Variants in GAS5 observed in about 807,000 individuals in gnomAD.
The protein encoded by GAS5 is growth arrest specific 5, also known as growth arrest specific 5 (non-protein coding).
At chr1:173,867,212 C>T, upstream of GAS5, 1 of 543,360 alleles carries the variant, frequency 1.8e-6, no homozygotes, top group East Asian at 3.0e-5. Context: ...AAGCACTGCA[C>T]CCGCAGTTAA....
At chr1:173,864,793 C>T (rs748598966) in intron 6 of GAS5, 1 of 518,314 alleles carries the variant, frequency 1.9e-6, no homozygotes, top group Non-Finnish European at 3.9e-6. Flanking sequence ...TGGCTATATT[C>T]CCCTTTTCGG....
chr1:173,868,345 T>G (rs937789974), upstream of GAS5: 3 of 152,140 alleles, frequency 2.0e-5, no homozygotes, highest in African/African-American at 4.9e-5. Flanking sequence ...TGGGAGGGGG[T>G]GGGGGATTTC....
At chr1:173,865,459 T>G (rs1473182614) in intron 6 of GAS5, 3 of 510,094 alleles carry the variant, frequency 5.9e-6, no homozygotes, top group Non-Finnish European at 1.2e-5. Flanking sequence ...TTAACATCAA[T>G]AAAACATGTA....
intron 1 of GAS5, chr1:173,866,925 A>G (rs1232259320): frequency 1.3e-6 from 1 of 765,484 alleles, no homozygotes; most frequent in South Asian, 1.3e-5. Context: ...ACTACTCTTA[A>G]AGCATCACAG....
chr1:173,865,306 C>T (rs1654393582), intron 6 of GAS5: 1 of 457,678 alleles, frequency 2.2e-6, no homozygotes, highest in African/African-American at 2.0e-5. Context: ...ATCTCCTTTA[C>T]CAATAGGTAG....
intron 6 of GAS5, chr1:173,864,750 A>G: frequency 2.0e-6 from 1 of 510,650 alleles, no homozygotes; most frequent in Non-Finnish European, 3.9e-6. Flanking sequence ...GCATACAATT[A>G]GGAGTAATCC....
At position 173,865,147 on chromosome 1, in the gene GAS5, T is replaced by C. The variant is rs551248999; in HGVS notation, n.276+324A>G. 17 of 338,912 alleles carry C rather than the reference T, an allele frequency of 5.0e-5. 1 individual carries two copies. Among genetic ancestry groups the C allele is most frequent in the Middle Eastern group, 1.1e-3 (1 of 932 alleles). 21.0% of individuals were successfully genotyped at this position (338,912 alleles called of 1,614,324 possible). ...CTGGGAGGCAGAGGTTGCAGTGAAC[T>C]GATAGTGCCGCTGCACTCCATTCTG... On this transcript the variant is annotated intron_variant and non_coding_transcript_variant, in intron 6 of 7. Transcript: ENST00000651080.
intron 7 of GAS5, chr1:173,864,061 G>C (rs568074783): frequency 2.3e-6 from 1 of 440,410 alleles, no homozygotes; most frequent in African/African-American, 2.0e-5. Context: ...ACTCTAGCTT[G>C]GGTGAGGCAA....
chr1:173,865,559 A>G (rs1654455836), intron 5 of GAS5: 1 of 517,926 alleles, frequency 1.9e-6, no homozygotes, highest in Non-Finnish European at 3.9e-6. Flanking sequence ...TGGAATACAA[A>G]TGAGGACTTC....
At chr1:173,866,701 GTCA>G (rs767938368) in intron 2 of GAS5, 2 of 765,260 alleles carry the variant, frequency 2.6e-6, no homozygotes, top group African/African-American at 3.4e-5. Context: ...CAAATAAACT[GTCA>G]TCATTGTGGC....
chr1:173,867,536 G>A, upstream of GAS5: 1 of 420,992 alleles, frequency 2.4e-6, no homozygotes. Context: ...AAACACTAAT[G>A]GAAATATTGG....
At chr1:173,865,781 A>C (rs1293536130) in intron 5 of GAS5, 1 of 518,022 alleles carries the variant, frequency 1.9e-6, no homozygotes, top group African/African-American at 1.9e-5. Flanking sequence ...CCAAGCCTTA[A>C]GCCATTAGCT....
intron 6 of GAS5, chr1:173,864,825 G>T: frequency 1.9e-6 from 1 of 519,042 alleles, no homozygotes; most frequent in Admixed American, 1.9e-5. Context: ...GAATGTTACC[G>T]CCAGATACAT....
At chr1:173,864,871 C>T (rs377425274) in intron 6 of GAS5, 75 of 519,140 alleles carry the variant, frequency 1.4e-4, no homozygotes, top group African/African-American at 1.3e-3. Context: ...TGCTCATCAG[C>T]GTTAGTCTGC....
upstream of GAS5, chr1:173,868,021 A>G (rs1002425896): frequency 5.1e-6 from 1 of 195,512 alleles, no homozygotes; most frequent in Admixed American, 5.5e-5. Context: ...TGTATATAAG[A>G]GTTCTTTTGA....
intron 1 of GAS5, chr1:173,866,965 C>A (rs1056569257): frequency 1.3e-6 from 1 of 765,494 alleles, no homozygotes; most frequent in Admixed American, 1.7e-5. Flanking sequence ...TTTCATTCTT[C>A]CCACCATACT....
At chr1:173,864,411 A>G (rs201323376) in intron 6 of GAS5, 6 of 519,092 alleles carry the variant, frequency 1.2e-5, no homozygotes, top group South Asian at 7.0e-5. Flanking sequence ...TGATATCATT[A>G]TATTTCATTT....
intron 4 of GAS5, chr1:173,865,947 C>A (rs1654532358): frequency 1.9e-6 from 1 of 519,048 alleles, no homozygotes; most frequent in Admixed American, 1.9e-5. Context: ...TCACCCCCTG[C>A]CAAAACTAAC....
At chr1:173,867,293 G>C (rs1270733445), upstream of GAS5, 1 of 470,672 alleles carries the variant, frequency 2.1e-6, no homozygotes, top group African/African-American at 2.0e-5. Flanking sequence ...ACCACGGCTG[G>C]TGGATCACCT....
Sources: gnomAD v4.1 joint callset for allele counts on GRCh38, gnomAD v4.1.1 for gene constraint, MANE v1.5 for transcripts, NCBI Gene and HGNC (gene_info 2026-07-23, HGNC 2026-07-21) for gene names.